The following HAUS2 variants were observed in gnomAD, a reference collection of about 807,000 sequenced individuals.
HAUS2 encodes HAUS augmin-like complex subunit 2.
Under a neutral mutation model 21.6 loss-of-function variants are expected in HAUS2, and 20 were observed. That is an observed-to-expected ratio of 0.93 (90% confidence interval 0.65 to 1.35). HAUS2 has a LOEUF of 1.35. HAUS2 is among the 40% of genes most tolerant of loss of function. HAUS2 has a pLI of 0.00. For missense variants in HAUS2, 297 were observed against 280.7 expected (o/e 1.06, Z -0.42); for synonymous variants, 113 against 95.6 (o/e 1.18, Z -1.06).
At chr15:42,549,001 G>A (rs2057687906) in intron 1 of HAUS2, 36 bp downstream of exon 1, 2 of 1,315,060 alleles carry the variant, frequency 1.5e-6, no homozygotes, top group African/African-American at 1.5e-5. Flanking sequence ...TCAAGGGGGT[G>A]CCCAAGGTGG....
rs756964882 is a variant in HAUS2 at position 42,558,232 on chromosome 15, GT to G, written c.132del (p.Phe44LeufsTer2). The G allele has an allele frequency of 2.7e-6, 4 of 1,466,468 alleles. No homozygotes were observed. The highest frequency in any genetic ancestry group is 3.8e-6 in the Non-Finnish European group (4 of 1,062,550). 90.8% of individuals were successfully genotyped at this position (1,466,468 alleles called of 1,614,324 possible). The stretch of plus-strand genomic sequence containing the variant: ...AACATGTCTAAGAAAACAGTTTCTT[GT>G]TTTGTGAACTTCACCAGACTACAGC... The part of the protein sequence containing the change: ...MLNMSKKTVS[C>X]FVNFTRLQQI... On this transcript the variant is annotated frameshift_variant, in exon 2 of 6. Transcript: ENST00000260372. LOFTEE classifies it high-confidence loss of function.
At chr15:42,555,278 G>A (rs62019294) in intron 1 of HAUS2, among the ~76,000 whole-genome samples, 17,604 of 151,908 alleles carry the variant, frequency 0.12, 1,148 homozygotes, top group Non-Finnish European at 0.15. Flanking sequence ...GAGCCACGGC[G>A]CCCGGCTGCC....
intron 1 of HAUS2, among the ~76,000 whole-genome samples, chr15:42,554,256 T>G (rs2057750973): frequency 6.6e-6 from 1 of 152,168 alleles, no homozygotes; most frequent in African/African-American, 2.4e-5. Flanking sequence ...TGTTTTTTCT[T>G]TATGTTAGCT....
chr15:42,563,672 C>T, intron 4 of HAUS2, 77 bp from the exon 5 acceptor site: 1 of 773,536 alleles, frequency 1.3e-6, no homozygotes, highest in Non-Finnish European at 2.3e-6. Flanking sequence ...AATTAAAAGT[C>T]CTGATTAAAG....
intron 5 of HAUS2, 71 bp from the exon 6 acceptor site, chr15:42,566,536 A>G: frequency 1.2e-6 from 1 of 840,002 alleles, no homozygotes; most frequent in Non-Finnish European, 2.0e-6. Context: ...AACCTTTGGT[A>G]TCAGTTACTG....
At chr15:42,557,497 GTATATAATGTATATATTATATA>G (rs2057799027) in intron 1 of HAUS2, among the ~76,000 whole-genome samples, 1 of 35,180 alleles carries the variant, frequency 2.8e-5, no homozygotes, top group Non-Finnish European at 1.0e-4. Flanking sequence ...TATATACATT[GTATATAATGTATATATTATATA>G]TATATGAAGT....
intron 1 of HAUS2, among the ~76,000 whole-genome samples, chr15:42,556,261 C>CTTTTTTTTTTT (rs1200353279): frequency 2.6e-5 from 2 of 76,304 alleles, no homozygotes; most frequent in African/African-American, 1.3e-4. Flanking sequence ...TGCGCCCAGG[C>CTTTTTTTTTTT]TTTTTTTTTT....
At chr15:42,561,560 T>G (rs752777344) in intron 4 of HAUS2, 158 bp downstream of exon 4, 1 of 574,926 alleles carries the variant, frequency 1.7e-6, no homozygotes, top group Non-Finnish European at 3.1e-6. Context: ...ATCTTTGCTT[T>G]TAAACCATTA....
At chr15:42,550,284 G>GAAAA (rs61442261) in intron 1 of HAUS2, among the ~76,000 whole-genome samples, 1 of 98,368 alleles carries the variant, frequency 1.0e-5, no homozygotes, top group Non-Finnish European at 2.1e-5. Flanking sequence ...CTGTCTCAGG[G>GAAAA]AAAAAAAAAA....
At chr15:42,549,004 C>A in intron 1 of HAUS2, 39 bp downstream of exon 1, 1 of 1,303,448 alleles carries the variant, frequency 7.7e-7, no homozygotes, top group Non-Finnish European at 1.1e-6. Context: ...AGGGGGTGCC[C>A]AAGGTGGCAA....
intron 5 of HAUS2, among the ~76,000 whole-genome samples, chr15:42,566,116 C>T (rs914285257): frequency 7.2e-5 from 11 of 151,750 alleles, no homozygotes; most frequent in Admixed American, 1.3e-4. Flanking sequence ...GCAGAAGAAT[C>T]GCTTGAACCC....
chr15:42,561,494 A>T, intron 4 of HAUS2, 92 bp downstream of exon 4: 1 of 777,950 alleles, frequency 1.3e-6, no homozygotes, highest in Non-Finnish European at 2.2e-6. Flanking sequence ...TCATAAAACA[A>T]TTAGTGATTG....
chr15:42,566,842 A>C lies in HAUS2; in HGVS notation c.*26A>C. ...TCATCAACTTTATTTTTGCTTAATTATGTGTAGTCATATGAAGTCTATTTC... is the reference window on the plus strand; with the variant it reads ...TCATCAACTTTATTTTTGCTTAATTCTGTGTAGTCATATGAAGTCTATTTC... On this transcript the variant is annotated 3_prime_UTR_variant, in exon 6 of 6. Transcript: ENST00000260372. 1 of 1,068,936 alleles carries C rather than the reference A, an allele frequency of 9.4e-7. No individual in the cohort carries two copies. Among genetic ancestry groups the C allele is most frequent in the South Asian group, 1.3e-5 (1 of 78,792 alleles). The allele number at this position is 1,068,936 out of a possible 1,614,324, so 66.2% of individuals were successfully genotyped here. A position where few individuals can be genotyped will look rare whatever the true frequency, so the allele number is the denominator to read the frequency against.
At chr15:42,564,572 T>C (rs1201291164) in intron 5 of HAUS2, among the ~76,000 whole-genome samples, 2 of 152,222 alleles carry the variant, frequency 1.3e-5, no homozygotes, top group Non-Finnish European at 2.9e-5. Context: ...ATGCCATCTA[T>C]TGAGCATAGA....
Position 42,548,931 on chromosome 15 carries a change from T to C in HAUS2, c.59T>C (p.Leu20Pro). The C allele has an allele frequency of 6.5e-7, 1 of 1,550,354 alleles. No individual in the cohort carries two copies. Among genetic ancestry groups the C allele is most frequent in the South Asian group, 1.2e-5 (1 of 84,126 alleles). The change falls in exon 1 of 6, where the codon CTA becomes CCA. Residue 20 changes from leucine (L) to proline (P), a missense_variant. Physicochemically the swap from Leu to Pro is moderately conservative, Grantham distance 98 (BLOSUM62 -3). Transcript: ENST00000260372. ...ASAPNGAGLV[L>P]GHFIASGMVN... ...GCGCCTAACGGCGCTGGGCTAGTGCTAGGCCACTTCATAGCTTCGGGGATG... is the reference window on the plus strand; with the variant it reads ...GCGCCTAACGGCGCTGGGCTAGTGCCAGGCCACTTCATAGCTTCGGGGATG...
rs540279648 is a variant in HAUS2, at chr15:42,567,293, C to G, written c.*477C>G. ...GTGCATGCCTGTAGTCCCAGCTATT[C>G]GGGAGGCTGAGGTAAGAGGATCACC... On this transcript the variant is annotated 3_prime_UTR_variant, in exon 6 of 6. Transcript: ENST00000260372. 1 of 159,520 alleles carries G rather than the reference C, an allele frequency of 6.3e-6. No individual in the cohort carries two copies. The highest frequency in any genetic ancestry group is 2.4e-5 in the African/African-American group (1 of 41,326). 9.9% of individuals were successfully genotyped at this position (159,520 alleles called of 1,614,324 possible).
intron 1 of HAUS2, among the ~76,000 whole-genome samples, chr15:42,553,584 G>C (rs1050475726): frequency 1.3e-5 from 2 of 151,980 alleles, no homozygotes; most frequent in African/African-American, 4.8e-5. Context: ...AGGGATTACA[G>C]GTGAGAGCCA....
In HAUS2 at chr15:42,568,915, A is replaced by G. The variant is rs2057932704; in HGVS notation, c.*2099A>G. 6.6e-6 allele frequency: 1 copy of G among 152,184 alleles called. No homozygotes were observed. Among genetic ancestry groups the G allele is most frequent in the African/African-American group, 2.4e-5 (1 of 41,430 alleles). 9.4% of individuals were successfully genotyped at this position (152,184 alleles called of 1,614,324 possible). A position where few individuals can be genotyped will look rare whatever the true frequency, so the allele number is the denominator to read the frequency against. ...TCATATGCTTTTGCTGTAATAAATC[A>G]TAGCTGTGTGATGATATGCTGAGTC... On this transcript the variant is annotated 3_prime_UTR_variant, in exon 6 of 6. Transcript: ENST00000260372.
chr15:42,565,433 T>G (rs897086227), intron 5 of HAUS2, among the ~76,000 whole-genome samples: 1 of 111,574 alleles, frequency 9.0e-6, no homozygotes, highest in Non-Finnish European at 1.9e-5. Context: ...GTGTGTGTGT[T>G]TTCTTTTTTT....
Sources: gnomAD v4.1 joint callset for allele counts (sites outside exome capture counted in the v4.1 genomes callset) on GRCh38, gnomAD v4.1.1 for gene constraint, MANE v1.5 for transcripts, NCBI Gene and HGNC (gene_info 2026-07-23, HGNC 2026-07-21) for gene names.